The following EIF4EBP2 variants were observed in gnomAD, a reference collection of about 807,000 sequenced individuals.
The protein encoded by EIF4EBP2 is eukaryotic translation initiation factor 4E binding protein 2, also known as eukaryotic translation initiation factor 4E-binding protein 2.
EIF4EBP2 carries 5 observed loss-of-function variants against 10.3 expected under a neutral mutation model. The ratio of observed to expected loss-of-function variants is 0.48; its 90% CI spans 0.25 to 1.02. The LOEUF (loss-of-function observed/expected upper bound fraction) is 1.02. EIF4EBP2 is among the 50% of genes least tolerant of loss of function. EIF4EBP2 has a pLI of 0.15. For missense variants in EIF4EBP2, 188 were observed against 162.2 expected (o/e 1.16, Z -0.86); for synonymous variants, 67 against 61.1 (o/e 1.10, Z -0.45).
chr10:70,407,621 G>A (rs1202864034), intron 1 of EIF4EBP2, among the ~76,000 whole-genome samples: 2 of 151,996 alleles, frequency 1.3e-5, no homozygotes, highest in Non-Finnish European at 2.9e-5. Flanking sequence ...TTCTCAATGA[G>A]CTGTTGAGTA....
At chr10:70,412,336 T>G (rs1431935470) in intron 1 of EIF4EBP2, among the ~76,000 whole-genome samples, 3 of 147,716 alleles carry the variant, frequency 2.0e-5, no homozygotes, top group Non-Finnish European at 4.4e-5. Flanking sequence ...CGTGAGTAAA[T>G]GGTTAATTCT....
In EIF4EBP2 at chr10:70,425,247, C is replaced by T. The variant is rs1845195022; in HGVS notation, c.*3500C>T. On this transcript the variant is annotated 3_prime_UTR_variant, in exon 3 of 3. Transcript: ENST00000373218. ...GATTCCAGAGATCATGGGGCAGGGC[C>T]AGGAGAAAGCTGCAGTGCCTTTTAA... The T allele has an allele frequency of 6.6e-6, 1 of 152,360 alleles. No homozygotes were observed. Among genetic ancestry groups the T allele is most frequent in the South Asian group, 2.1e-4 (1 of 4,826 alleles). The allele number at this position is 152,360 out of a possible 1,614,324, so 9.4% of individuals were successfully genotyped here.
intron 1 of EIF4EBP2, among the ~76,000 whole-genome samples, chr10:70,405,028 G>A (rs1844953207): frequency 1.3e-5 from 2 of 152,264 alleles, no homozygotes; most frequent in Admixed American, 1.3e-4. Flanking sequence ...AGAACACCGG[G>A]AGGAGGCTGG....
intron 1 of EIF4EBP2, among the ~76,000 whole-genome samples, chr10:70,413,330 A>G (rs967593127): frequency 4.6e-5 from 7 of 152,036 alleles, no homozygotes; most frequent in Admixed American, 2.6e-4. Flanking sequence ...TATGTTTATA[A>G]TATCAGGGTT....
intron 1 of EIF4EBP2, 120 bp from the exon 2 acceptor site, chr10:70,419,794 C>G (rs1408501393): frequency 1.4e-5 from 11 of 774,400 alleles, no homozygotes; most frequent in Non-Finnish European, 2.2e-5. Context: ...ATGCTTTCAA[C>G]TTGAATTGTA....
Position 70,426,073 on chromosome 10 carries a change from C to T in EIF4EBP2, c.*4326C>T, listed in dbSNP as rs533049560. 1 of 152,302 alleles carries T rather than the reference C, an allele frequency of 6.6e-6. No individual in the cohort carries two copies. The highest frequency in any genetic ancestry group is 2.1e-4 in the South Asian group (1 of 4,820). 9.4% of individuals were successfully genotyped at this position (152,302 alleles called of 1,614,324 possible). A position where few individuals can be genotyped will look rare whatever the true frequency, so the allele number is the denominator to read the frequency against. Reference sequence around the variant, plus strand: ...GTTAACCCTGCATGCCCATTTCTTCCTGGGCTTCTTGATGGCAATGTGTTC... The same window carrying T: ...GTTAACCCTGCATGCCCATTTCTTCTTGGGCTTCTTGATGGCAATGTGTTC... On this transcript the variant is annotated 3_prime_UTR_variant, in exon 3 of 3. Coordinates refer to ENST00000373218, the MANE Select transcript of EIF4EBP2 (RefSeq NM_004096.5).
chr10:70,421,279 C>A (rs891620318), intron 2 of EIF4EBP2, among the ~76,000 whole-genome samples: 1 of 152,194 alleles, frequency 6.6e-6, no homozygotes, highest in Admixed American at 6.5e-5. Context: ...CTGAAATATT[C>A]CTCAGGGACT....
intron 2 of EIF4EBP2, among the ~76,000 whole-genome samples, chr10:70,421,485 T>A (rs558648254): frequency 1.6e-4 from 24 of 152,334 alleles, no homozygotes; most frequent in Non-Finnish European, 2.9e-4. Context: ...ACAATGGGGA[T>A]GTTTTCACTT....
Position 70,428,192 on chromosome 10 carries a change from G to A in EIF4EBP2, c.*6445G>A, listed in dbSNP as rs1845223340. The A allele has an allele frequency of 6.6e-6, 1 of 151,802 alleles. No individual in the cohort carries two copies. Among genetic ancestry groups the A allele is most frequent in the South Asian group, 2.1e-4 (1 of 4,804 alleles). 9.4% of individuals were successfully genotyped at this position (151,802 alleles called of 1,614,324 possible). The stretch of plus-strand genomic sequence containing the variant: ...GTGAGGAGACCCTCTGCTACTCCAG[G>A]GGTAAACCTTAAAGAAGGTGTCTTG... On this transcript the variant is annotated 3_prime_UTR_variant, in exon 3 of 3. Transcript: ENST00000373218.
At chr10:70,407,563 C>T (rs1844983580) in intron 1 of EIF4EBP2, among the ~76,000 whole-genome samples, 1 of 152,166 alleles carries the variant, frequency 6.6e-6, no homozygotes, top group African/African-American at 2.4e-5. Flanking sequence ...TTTTCCCCAC[C>T]TTTCCCCCCT....
chr10:70,410,035 A>G (rs2137225204), intron 1 of EIF4EBP2, among the ~76,000 whole-genome samples: 1 of 152,250 alleles, frequency 6.6e-6, no homozygotes, highest in African/African-American at 2.4e-5. Context: ...CTATACCAAA[A>G]TAAAGAGTAT....
intron 1 of EIF4EBP2, among the ~76,000 whole-genome samples, chr10:70,415,916 C>A (rs1845090152): frequency 6.7e-6 from 1 of 149,830 alleles, no homozygotes; most frequent in African/African-American, 2.4e-5. Context: ...AAATTAAGAA[C>A]TTTTGTGCTT....
chr10:70,408,220 C>T (rs1845004160), intron 1 of EIF4EBP2, among the ~76,000 whole-genome samples: 1 of 148,534 alleles, frequency 6.7e-6, no homozygotes, highest in Admixed American at 6.7e-5. Flanking sequence ...ACCCCCCCAC[C>T]TCCTTCCTGG....
At chr10:70,419,320 A>G (rs1402961747) in intron 1 of EIF4EBP2, among the ~76,000 whole-genome samples, 1 of 152,238 alleles carries the variant, frequency 6.6e-6, no homozygotes, top group Non-Finnish European at 1.5e-5. Flanking sequence ...TTCAGGTAGC[A>G]CTTAACTGGT....
intron 2 of EIF4EBP2, among the ~76,000 whole-genome samples, chr10:70,420,713 C>CT (rs895700338): frequency 2.6e-5 from 4 of 152,204 alleles, no homozygotes; most frequent in African/African-American, 9.7e-5. Context: ...CTTCATTGGA[C>CT]TAAGGATAAC....
chr10:70,404,619 C>G (rs971849286), intron 1 of EIF4EBP2, 73 bp downstream of exon 1: 2 of 1,417,070 alleles, frequency 1.4e-6, no homozygotes, highest in African/African-American at 3.0e-5. Context: ...GCCTCGGTGC[C>G]CGGCCGCTTC....
chr10:70,404,781 G>A (rs903758688), intron 1 of EIF4EBP2, among the ~76,000 whole-genome samples: 1 of 152,246 alleles, frequency 6.6e-6, no homozygotes, highest in African/African-American at 2.4e-5. Flanking sequence ...GCGAAAAAGA[G>A]CTCTTGTTTC....
rs746327332 is a variant in EIF4EBP2 at position 70,427,917 on chromosome 10, T to C, written c.*6170T>C. The C allele has an allele frequency of 6.6e-5, 10 of 151,436 alleles. No homozygotes were observed. The highest frequency in any genetic ancestry group is 1.2e-4 in the Non-Finnish European group (8 of 67,876). The allele number at this position is 151,436 out of a possible 1,614,324, so 9.4% of individuals were successfully genotyped here. A position where few individuals can be genotyped will look rare whatever the true frequency, so the allele number is the denominator to read the frequency against. On this transcript the variant is annotated 3_prime_UTR_variant, in exon 3 of 3. Coordinates refer to ENST00000373218, the MANE Select transcript of EIF4EBP2 (RefSeq NM_004096.5). ...AATTCCATGAATCTAGCACAAAATATCCATTCTTGCCCAAGTGTATCCCCT... is the reference window on the plus strand; with the variant it reads ...AATTCCATGAATCTAGCACAAAATACCCATTCTTGCCCAAGTGTATCCCCT...
intron 1 of EIF4EBP2, among the ~76,000 whole-genome samples, chr10:70,410,438 A>T (rs1026601211): frequency 3.3e-5 from 5 of 152,176 alleles, no homozygotes; most frequent in Admixed American, 3.3e-4. Context: ...GTGCACAGTG[A>T]ATGTGGTTTG....
Sources: gnomAD v4.1 joint callset for allele counts (sites outside exome capture counted in the v4.1 genomes callset) on GRCh38, gnomAD v4.1.1 for gene constraint, MANE v1.5 for transcripts, NCBI Gene and HGNC (gene_info 2026-07-23, HGNC 2026-07-21) for gene names.